Variants in ABCA3 observed in about 807,000 individuals in gnomAD.
ABCA3 encodes the protein ATP binding cassette subfamily A member 3, also known as phospholipid-transporting ATPase ABCA3.
Under a neutral mutation model 172.8 loss-of-function variants are expected in ABCA3, and 88 were observed. The ratio of observed to expected loss-of-function variants is 0.51; its 90% CI spans 0.43 to 0.61. The LOEUF (loss-of-function observed/expected upper bound fraction) is 0.61, where lower values mean the gene tolerates loss of function less well. Ranked by LOEUF, ABCA3 falls within the 20% of genes least tolerant of loss-of-function variation. ABCA3 has a pLI of 0.00. For missense variants in ABCA3, 2,164 were observed against 2,301.0 expected (o/e 0.94, Z 1.22); for synonymous variants, 1,066 against 983.8 (o/e 1.08, Z -1.56).
intron 6 of ABCA3, 31 bp from the exon 7 acceptor site, chr16:2,323,719 C>T (rs377311551): frequency 2.3e-5 from 37 of 1,613,830 alleles, no homozygotes; most frequent in Admixed American, 1.0e-4. Context: ...CCAGCTGTTC[C>T]GAGAGATCCA....
chr16:2,327,807 G>A (rs1379780087), intron 3 of ABCA3, among the ~76,000 whole-genome samples: 3 of 152,074 alleles, frequency 2.0e-5, no homozygotes, highest in Non-Finnish European at 4.4e-5. Context: ...TGGAACCTCC[G>A]CCTCCTGGTT....
intron 10 of ABCA3, among the ~76,000 whole-genome samples, chr16:2,316,490 C>CGAA (rs2093715967): frequency 3.5e-5 from 1 of 28,866 alleles, no homozygotes. Flanking sequence ...ACTAAAAATG[C>CGAA]AAAAAAAAAA....
chr16:2,329,086 T>C, intron 2 of ABCA3, among the ~76,000 whole-genome samples: 1 of 151,814 alleles, frequency 6.6e-6, no homozygotes, highest in Non-Finnish European at 1.5e-5. Flanking sequence ...TTACATGAAA[T>C]ACAACTGCAA....
rs202138489 is a variant in ABCA3 at position 2,278,114 on chromosome 16, G to A, written c.4719-45C>T. ...TCAGATAGGGCTTGGGGTGCCAAAG[G>A]CTTGTGCAGACAGGAAGGCATTGGC... On this transcript the variant is annotated intron_variant, in intron 30 of 32. Transcript: ENST00000301732. This position sits in a 1 kb window ranked among gnomAD's most constrained non-coding sequence, Gnocchi z 4.4. The A allele has an allele frequency of 5.6e-5, 90 of 1,611,122 alleles. No homozygotes were observed. The highest frequency in any genetic ancestry group is 7.3e-5 in the Non-Finnish European group (86 of 1,179,136).
intron 13 of ABCA3, 60 bp from the exon 14 acceptor site, chr16:2,299,592 C>T (rs1247222052): frequency 1.2e-6 from 2 of 1,606,046 alleles, no homozygotes; most frequent in East Asian, 4.5e-5. Flanking sequence ...ACGGCCAAGG[C>T]CTCTCCTGCT....
chr16:2,332,232 T>G, intron 1 of ABCA3: 1 of 439,242 alleles, frequency 2.3e-6, no homozygotes, highest in East Asian at 4.2e-5. Flanking sequence ...CTCCTCCATT[T>G]CTTTTTTTTT....
At chr16:2,310,245 A>C (rs1034497251) in intron 10 of ABCA3, among the ~76,000 whole-genome samples, 16 of 147,224 alleles carry the variant, frequency 1.1e-4, no homozygotes, top group African/African-American at 3.7e-4. Context: ...CTCTACTAAA[A>C]ATACAAAAAT....
intron 11 of ABCA3, among the ~76,000 whole-genome samples, chr16:2,304,400 T>C (rs1258413443): frequency 1.3e-5 from 2 of 152,148 alleles, no homozygotes; most frequent in Non-Finnish European, 2.9e-5. Context: ...GGCTTGCATT[T>C]AATCTGTGAC....
chr16:2,313,042 G>A (rs1219783308), intron 10 of ABCA3, among the ~76,000 whole-genome samples: 3 of 151,734 alleles, frequency 2.0e-5, no homozygotes, highest in African/African-American at 4.8e-5. Context: ...GCAACAGAAC[G>A]AGACCATGTC....
At chr16:2,317,882 G>A (rs1567351436) in intron 8 of ABCA3, 118 bp from the exon 9 acceptor site, 2 of 878,694 alleles carry the variant, frequency 2.3e-6, no homozygotes, top group Non-Finnish European at 3.7e-6. Flanking sequence ...GCATTCGACA[G>A]GGTCTTACTA....
At chr16:2,323,771 G>T (rs112890021) in intron 6 of ABCA3, 83 bp from the exon 7 acceptor site, 414 of 1,532,080 alleles carry the variant, frequency 2.7e-4, no homozygotes, top group Non-Finnish European at 3.4e-4. Context: ...AGAGCGCTTG[G>T]GGGGCTGTCA....
chr16:2,312,007 C>T (rs759349855), intron 10 of ABCA3, among the ~76,000 whole-genome samples: 2 of 152,120 alleles, frequency 1.3e-5, no homozygotes, highest in Non-Finnish European at 2.9e-5. Flanking sequence ...TGCATTAGTT[C>T]GTTTGGAAAA....
Position 2,285,281 on chromosome 16 carries a change from A to C in ABCA3, c.3483+161T>G, listed in dbSNP as rs1262074195. On this transcript the variant is annotated intron_variant, in intron 23 of 32. Transcript: ENST00000301732. The surrounding 1 kb of genome is among the most constrained non-coding windows in gnomAD (Gnocchi z 4.7). ...GGTAAAGGCTGAGGGTGCAGGGAGG[A>C]GGCGAGGGGGCAGCCGCCAGGGGAT... Among the ~76,000 whole-genome samples the C allele has an allele frequency of 6.6e-6, 1 of 152,104 alleles. No homozygotes were observed. The highest frequency in any genetic ancestry group is 1.5e-5 in the Non-Finnish European group (1 of 68,000).
Position 2,281,558 on chromosome 16 carries a change from G to A in ABCA3, c.4036-49C>T. 1 of 1,582,890 alleles carries A rather than the reference G, an allele frequency of 6.3e-7. No homozygotes were observed. Among genetic ancestry groups the A allele is most frequent in the Non-Finnish European group, 8.6e-7 (1 of 1,158,876 alleles). ...CATGCGTGAACCCAGCCGCAGGGCG[G>A]CTTCCGTGGAGAAGGGAGGGGCGGG... is the stretch of plus-strand genomic sequence containing the variant. On this transcript the variant is annotated intron_variant, in intron 26 of 32. Coordinates refer to ENST00000301732, the MANE Select transcript of ABCA3 (RefSeq NM_001089.3). The surrounding 1 kb of genome is among the most constrained non-coding windows in gnomAD (Gnocchi z 4.7).
rs1269133045 is a variant in ABCA3, at chr16:2,288,211, G to A, written c.2819C>T (p.Ala940Val). Residue 940 changes from alanine to valine, a missense_variant, in exon 21 of 33, where the codon GCC becomes GTC. Physicochemically the swap from Ala to Val is moderately conservative, Grantham distance 64 (BLOSUM62 0). This residue lies in a region of ABCA3 where 1,343 missense variants were observed against 1,369.6 expected (regional missense o/e 0.98). Transcript: ENST00000301732. ...CGAGGAGTAGTTGATGGCCAGGAGG[G>A]CCAGGGTGACGCAGGTCAGAGGCAC... ...VLVPLTCVTL[A>V]LLAINYSSEL... is the part of the protein sequence containing the mutation. 6.3e-7 allele frequency: 1 copy of A among 1,599,856 alleles called. No individual in the cohort carries two copies.
chr16:2,293,027 G>A (rs1263661509), intron 18 of ABCA3, among the ~76,000 whole-genome samples: 2 of 152,154 alleles, frequency 1.3e-5, no homozygotes, highest in African/African-American at 2.4e-5. Context: ...AGGGGCCACA[G>A]GAGGTTAATT....
chr16:2,287,150 T>C lies in ABCA3; in HGVS notation c.3005-183A>G, dbSNP rs565710274. On this transcript the variant is annotated intron_variant, in intron 21 of 32. Coordinates refer to ENST00000301732, the MANE Select transcript of ABCA3 (RefSeq NM_001089.3). This position sits in a 1 kb window ranked among gnomAD's most constrained non-coding sequence, Gnocchi z 4.1. The stretch of plus-strand genomic sequence containing the variant: ...GGCAAGGTTTTGTCATCATTCAGTA[T>C]GTGGAACTTTGAATGCCAGTCAGGA... 4.4e-4 allele frequency among the ~76,000 whole-genome samples: 67 copies of C among 152,326 alleles called. No individual in the cohort carries two copies. The highest frequency in any genetic ancestry group is 7.6e-4 in the Non-Finnish European group (52 of 68,028).
In ABCA3 at chr16:2,281,623, G is replaced by T; in HGVS notation, c.4036-114C>A. ...GTCTGGTGGGACTAAGGCCTTCAAG[G>T]CTTCTCGTCCCAATCTCAGGCCCCA... is the stretch of plus-strand genomic sequence containing the variant. On this transcript the variant is annotated intron_variant, in intron 26 of 32. Transcript: ENST00000301732. The surrounding 1 kb of genome is among the most constrained non-coding windows in gnomAD (Gnocchi z 4.7). The T allele has an allele frequency of 1.5e-6, 2 of 1,352,000 alleles. No individual in the cohort carries two copies. Among genetic ancestry groups the T allele is most frequent in the Non-Finnish European group, 2.1e-6 (2 of 967,174 alleles). The allele number at this position is 1,352,000 out of a possible 1,614,324, so 83.8% of individuals were successfully genotyped here.
chr16:2,307,168 T>C (rs745543442), intron 11 of ABCA3, among the ~76,000 whole-genome samples: 2 of 152,014 alleles, frequency 1.3e-5, no homozygotes, highest in Non-Finnish European at 2.9e-5. Context: ...CTTGTTTCTC[T>C]CTTAGGCGTC....
Sources: gnomAD v4.1 joint callset for allele counts (sites outside exome capture counted in the v4.1 genomes callset) on GRCh38, gnomAD v4.1.1 for gene constraint, gnomAD v4.1.1 regional missense constraint, Gnocchi (gnomAD v3.1) non-coding constraint, MANE v1.5 for transcripts, NCBI Gene and HGNC (gene_info 2026-07-23, HGNC 2026-07-21) for gene names.